The following IL1RAPL1 variants were observed in gnomAD, a reference collection of about 807,000 sequenced individuals.
IL1RAPL1 encodes the protein interleukin 1 receptor accessory protein like 1, also known as interleukin-1 receptor accessory protein-like 1.
A neutral mutation model predicts 48.4 loss-of-function variants in IL1RAPL1; 3 were observed. That is an observed-to-expected ratio of 0.06 (90% CI 0.03 to 0.16). The LOEUF is 0.16. Among genes scored for constraint, IL1RAPL1 ranks in the 10% least tolerant of loss-of-function variants. The pLI is 1.00. For missense variants in IL1RAPL1, 349 were observed against 530.6 expected (o/e 0.66, Z 3.36); for synonymous variants, 185 against 187.7 (o/e 0.99, Z 0.12).
At chrX:29,057,286 A>G (rs1186597567) in intron 2 of IL1RAPL1, among the ~76,000 whole-genome samples, 3 of 111,839 alleles carry the variant, frequency 2.7e-5, no homozygotes, top group Non-Finnish European at 3.8e-5. Flanking sequence ...CTGGGCTTAT[A>G]CATTTTTTAG....
intron 6 of IL1RAPL1, among the ~76,000 whole-genome samples, chrX:29,717,828 T>A (rs980151180): frequency 1.8e-5 from 2 of 111,922 alleles, no homozygotes; most frequent in African/African-American, 6.5e-5. Flanking sequence ...GTTCTGTGTA[T>A]CCCAGGTTTA....
At chrX:28,730,527 A>G (rs1935741286) in intron 1 of IL1RAPL1, among the ~76,000 whole-genome samples, 1 of 111,949 alleles carries the variant, frequency 8.9e-6, no homozygotes, top group Non-Finnish European at 1.9e-5. Flanking sequence ...AAGCTACATC[A>G]TAAGTAAAAT....
chrX:29,910,267 A>G (rs893273683), intron 6 of IL1RAPL1, among the ~76,000 whole-genome samples: 1 of 110,774 alleles, frequency 9.0e-6, no homozygotes, highest in African/African-American at 3.3e-5. Flanking sequence ...CGGAAAAACT[A>G]CCTACCAGAT....
chrX:29,279,347 A>G (rs1364044231), intron 2 of IL1RAPL1, among the ~76,000 whole-genome samples: 1 of 111,173 alleles, frequency 9.0e-6, no homozygotes, highest in Admixed American at 9.5e-5. Context: ...GAGGCAGGAG[A>G]ATCGCTTGAA....
chrX:29,113,566 A>G (rs1329028539), intron 2 of IL1RAPL1, among the ~76,000 whole-genome samples: 1 of 112,129 alleles, frequency 8.9e-6, no homozygotes, highest in Non-Finnish European at 1.9e-5. Context: ...AATGTCTTTC[A>G]GTATACTTTA....
chrX:29,000,506 C>A (rs959662697), intron 2 of IL1RAPL1, among the ~76,000 whole-genome samples: 1 of 111,710 alleles, frequency 9.0e-6, no homozygotes, highest in Non-Finnish European at 1.9e-5. Context: ...TTCCACACAA[C>A]AGGTAATCAA....
chrX:28,864,143 T>A (rs1601936402), intron 2 of IL1RAPL1, among the ~76,000 whole-genome samples: 1 of 112,076 alleles, frequency 8.9e-6, no homozygotes, highest in Non-Finnish European at 1.9e-5. Context: ...TATGTTCTAC[T>A]GGGATAAGAG....
chrX:28,806,023 C>T (rs1936727342), intron 2 of IL1RAPL1, among the ~76,000 whole-genome samples: 1 of 111,061 alleles, frequency 9.0e-6, no homozygotes, highest in Admixed American at 9.6e-5. Flanking sequence ...CATGTCATAA[C>T]TCTTCTCTGA....
intron 2 of IL1RAPL1, among the ~76,000 whole-genome samples, chrX:29,216,297 C>T (rs934331328): frequency 2.7e-5 from 3 of 110,908 alleles, no homozygotes; most frequent in Non-Finnish European, 5.7e-5. Context: ...TCAAGTGATC[C>T]TCCCACCTCA....
intron 6 of IL1RAPL1, among the ~76,000 whole-genome samples, chrX:29,820,517 C>T (rs1003140008): frequency 9.0e-6 from 1 of 111,513 alleles, no homozygotes; most frequent in African/African-American, 3.3e-5. Flanking sequence ...AGACTTGGGA[C>T]CTAAGTGTTT....
intron 2 of IL1RAPL1, among the ~76,000 whole-genome samples, chrX:29,224,886 A>T (rs1015164403): frequency 3.6e-5 from 4 of 112,127 alleles, no homozygotes; most frequent in Non-Finnish European, 7.5e-5. Flanking sequence ...AAAATGAGAG[A>T]CCCCTATGTG....
intron 2 of IL1RAPL1, among the ~76,000 whole-genome samples, chrX:29,199,367 G>T (rs1188812381): frequency 9.1e-6 from 1 of 110,236 alleles, no homozygotes; most frequent in African/African-American, 3.3e-5. Flanking sequence ...TTATGAATAT[G>T]CTCTTATATA....
At chrX:29,681,009 A>G (rs1020871178) in intron 6 of IL1RAPL1, among the ~76,000 whole-genome samples, 2 of 112,629 alleles carry the variant, frequency 1.8e-5, no homozygotes, top group Admixed American at 9.4e-5. Flanking sequence ...AGAATGGATT[A>G]TAAAATCAAC....
intron 2 of IL1RAPL1, among the ~76,000 whole-genome samples, chrX:28,827,148 T>C (rs747673211): frequency 3.1e-4 from 34 of 111,462 alleles, no homozygotes; most frequent in African/African-American, 9.7e-4. Flanking sequence ...TGATGTGCCA[T>C]ATTTTCATGC....
At chrX:28,873,386 C>T (rs1256273732) in intron 2 of IL1RAPL1, among the ~76,000 whole-genome samples, 1 of 108,548 alleles carries the variant, frequency 9.2e-6, no homozygotes, top group Non-Finnish European at 1.9e-5. Flanking sequence ...GCTGGGATTA[C>T]AGGCGCGAGC....
At chrX:29,748,238 A>G (rs771966158) in intron 6 of IL1RAPL1, among the ~76,000 whole-genome samples, 28 of 112,126 alleles carry the variant, frequency 2.5e-4, no homozygotes, top group Admixed American at 5.7e-4. Context: ...AACTAGTATA[A>G]TGGACAGATC....
chrX:29,398,823 C>A (rs1007217693), intron 4 of IL1RAPL1, among the ~76,000 whole-genome samples: 2 of 111,597 alleles, frequency 1.8e-5, no homozygotes, highest in South Asian at 3.7e-4. Flanking sequence ...TCTTAGCATA[C>A]ATCTCTATTC....
intron 1 of IL1RAPL1, among the ~76,000 whole-genome samples, 159 bp downstream of exon 1, chrX:28,588,206 ATGTGTGTGTGTG>A (rs768348078): frequency 0.046 from 2,275 of 49,896 alleles, 36 homozygotes; most frequent in African/African-American, 0.13. Context: ...GTGTGTTGAT[ATGTGTGTGTGTG>A]TGTGTGTGTG....
rs1246550636 is a variant in IL1RAPL1, at chrX:29,802,749, A to T, written c.779-114715A>T. 3.1e-3 allele frequency among the ~76,000 whole-genome samples: 47 copies of T among 15,192 alleles called. 1 individual carries two copies. Among genetic ancestry groups the T allele is most frequent in the South Asian group, 0.015 (5 of 330 alleles). 13.2% of individuals were successfully genotyped at this position (15,192 alleles called of 115,157 possible). On this transcript the variant is annotated intron_variant, in intron 6 of 10. Transcript: ENST00000378993. ...CTATGAGGTCTCTGAGGAAAAAATT[A>T]TATATATATATATATATATATATAT...
Sources: gnomAD v4.1 joint callset for allele counts (sites outside exome capture counted in the v4.1 genomes callset) on GRCh38, gnomAD v4.1.1 for gene constraint, MANE v1.5 for transcripts, NCBI Gene and HGNC (gene_info 2026-07-23, HGNC 2026-07-21) for gene names.